AGAP1: variants seen among roughly 807,000 people sequenced by gnomAD.
The protein encoded by AGAP1 is ArfGAP with GTPase domain, ankyrin repeat and PH domain 1.
Under a neutral mutation model 105.3 loss-of-function variants are expected in AGAP1, and 29 were observed. The ratio of observed to expected loss-of-function variants is 0.28; its 90% confidence interval spans 0.21 to 0.38. AGAP1 has a LOEUF of 0.38. AGAP1 is among the 10% of genes least tolerant of loss of function. The pLI is 1.00. For missense variants in AGAP1, 998 were observed against 1,165.1 expected, an observed-to-expected ratio of 0.86 and a Z score of 2.09; for synonymous variants, 509 against 485.9, an observed-to-expected ratio of 1.05 and a Z score of -0.63.
chr2:235,792,034 G>A lies in AGAP1; in HGVS notation c.674-5725G>A, dbSNP rs1283438991. Among the ~76,000 whole-genome samples the A allele has an allele frequency of 6.6e-6, 1 of 152,138 alleles. No homozygotes were observed. The highest frequency in any genetic ancestry group is 2.4e-5 in the African/African-American group (1 of 41,430). On this transcript the variant is annotated intron_variant, in intron 6 of 17. Transcript: ENST00000304032. The surrounding 1 kb of genome is among the most constrained non-coding windows in gnomAD (Gnocchi z 5.3). ...GTCTATGGTGAGCATTTAAAATACG[G>A]TTTTATTGGAGGTGTGGTTCGTACT...
At chr2:235,778,271 C>A (rs1248649114) in intron 6 of AGAP1, among the ~76,000 whole-genome samples, 1 of 152,200 alleles carries the variant, frequency 6.6e-6, no homozygotes, top group Admixed American at 6.5e-5. Context: ...CCACCATCGC[C>A]CCGCCTGGGT....
rs1009089639 is a variant in AGAP1, at chr2:235,753,401, T to A, written c.673+2913T>A. ...GTTTCGTATTATAGAAATAATACAC[T>A]CTCATTATGTATTCGGATTTTGGCT... On this transcript the variant is annotated intron_variant, in intron 6 of 17. Coordinates refer to ENST00000304032, the MANE Select transcript of AGAP1 (RefSeq NM_001037131.3). This position sits in a 1 kb window ranked among gnomAD's most constrained non-coding sequence, Gnocchi z 4.5. 6.6e-5 allele frequency among the ~76,000 whole-genome samples: 10 copies of A among 152,164 alleles called. No individual in the cohort carries two copies.
At position 235,906,171 on chromosome 2, in the gene AGAP1, A is replaced by G. The variant is rs2051295359; in HGVS notation, c.1156-2567A>G. 6.6e-6 allele frequency among the ~76,000 whole-genome samples: 1 copy of G among 152,158 alleles called. No individual in the cohort carries two copies. ...CTGTAAAATGAAATGGCCAGTCACC[A>G]GCCTCGGGTGGCCGGGCACCTCTGC... On this transcript the variant is annotated intron_variant, in intron 10 of 17. Transcript: ENST00000304032. The surrounding 1 kb of genome is among the most constrained non-coding windows in gnomAD (Gnocchi z 5.3).
chr2:236,050,466 G>A lies in AGAP1; in HGVS notation c.2114+1185G>A, dbSNP rs987201967. On this transcript the variant is annotated intron_variant, in intron 16 of 17. Coordinates refer to ENST00000304032, the MANE Select transcript of AGAP1 (RefSeq NM_001037131.3). The surrounding 1 kb of genome is among the most constrained non-coding windows in gnomAD (Gnocchi z 4.0). ...GAGTTATGCTCTATAGTGTAGACAG[G>A]GGTAAGTTTCTTACAAACCGAAGAA... 2.0e-5 allele frequency among the ~76,000 whole-genome samples: 3 copies of A among 152,094 alleles called. No homozygotes were observed. Among genetic ancestry groups the A allele is most frequent in the Admixed American group, 6.5e-5 (1 of 15,274 alleles).
At chr2:235,784,370 TTCC>T (rs1313475959) in intron 6 of AGAP1, among the ~76,000 whole-genome samples, 1 of 152,176 alleles carries the variant, frequency 6.6e-6, no homozygotes, top group Non-Finnish European at 1.5e-5. Context: ...ATACTTTGAC[TTCC>T]TCACTATTCC....
At chr2:235,538,540 T>C (rs1943324088) in intron 1 of AGAP1, among the ~76,000 whole-genome samples, 1 of 148,814 alleles carries the variant, frequency 6.7e-6, no homozygotes, top group Non-Finnish European at 1.5e-5. Context: ...TGCACAGTTC[T>C]CTGCATAGGT....
rs1027030119 is a variant in AGAP1, at chr2:235,767,060, G to A, written c.673+16572G>A. ...TCCCAAGTATCTAGGATTACAGCCC[G>A]CCACCACGCCTGGCTAATTTTTGTA... On this transcript the variant is annotated intron_variant, in intron 6 of 17. Coordinates refer to ENST00000304032, the MANE Select transcript of AGAP1 (RefSeq NM_001037131.3). Among the ~76,000 whole-genome samples, 4 of 151,880 alleles carry A rather than the reference G, an allele frequency of 2.6e-5. No homozygotes were observed. In the East Asian group the frequency reaches 5.8e-4, roughly 22 times the overall value.
chr2:235,581,244 T>C (rs1164108577), intron 1 of AGAP1, among the ~76,000 whole-genome samples: 2 of 149,144 alleles, frequency 1.3e-5, no homozygotes, highest in African/African-American at 5.0e-5. Flanking sequence ...GAGGCAGAGG[T>C]TACAGTGAGC....
intron 16 of AGAP1, among the ~76,000 whole-genome samples, chr2:236,057,002 G>A (rs1435558622): frequency 6.6e-6 from 1 of 152,204 alleles, no homozygotes; most frequent in Admixed American, 6.5e-5. Flanking sequence ...TACTAAATGA[G>A]TAGTGCAAAC....
intron 1 of AGAP1, among the ~76,000 whole-genome samples, chr2:235,527,293 G>A (rs758937281): frequency 7.2e-5 from 11 of 152,192 alleles, no homozygotes; most frequent in Non-Finnish European, 1.5e-4. Context: ...TTATTAATAA[G>A]TGGGCAAAAC....
At chr2:235,745,121 G>A (rs1019814149) in intron 5 of AGAP1, among the ~76,000 whole-genome samples, 3 of 151,816 alleles carry the variant, frequency 2.0e-5, no homozygotes, top group Non-Finnish European at 2.9e-5. Context: ...AAATATATAT[G>A]TGTGTGTGTA....
rs1281697317 is a variant in AGAP1 at position 235,729,422 on chromosome 2, G to A, written c.311-11541G>A. 6.6e-6 allele frequency among the ~76,000 whole-genome samples: 1 copy of A among 152,140 alleles called. No homozygotes were observed. The highest frequency in any genetic ancestry group is 1.5e-5 in the Non-Finnish European group (1 of 68,044). ...GATGTTCCAGAGGCAGGAGGTTCCTGGAAGAACCACTGGGCCTTGCAGGGT... is the reference window on the plus strand; with the variant it reads ...GATGTTCCAGAGGCAGGAGGTTCCTAGAAGAACCACTGGGCCTTGCAGGGT... On this transcript the variant is annotated intron_variant, in intron 3 of 17. Coordinates refer to ENST00000304032, the MANE Select transcript of AGAP1 (RefSeq NM_001037131.3). The surrounding 1 kb of genome is among the most constrained non-coding windows in gnomAD (Gnocchi z 5.0).
Position 235,968,736 on chromosome 2 carries a change from G to T in AGAP1, c.1645+113G>T, listed in dbSNP as rs140782926. On this transcript the variant is annotated intron_variant, in intron 13 of 17. Transcript: ENST00000304032. The stretch of plus-strand genomic sequence containing the variant: ...GCACAACAAATGCACAGTAATGCTG[G>T]TCACCGTATGTGCTTTCTGTTTGCA... The T allele has an allele frequency of 3.6e-6, 4 of 1,104,696 alleles. No individual in the cohort carries two copies. In the East Asian group the frequency reaches 8.3e-5, roughly 23 times the overall value. The allele number at this position is 1,104,696 out of a possible 1,614,324, so 68.4% of individuals were successfully genotyped here.
rs114586753 is a variant in AGAP1, at chr2:236,012,331, A to G, written c.1646-24230A>G. Among the ~76,000 whole-genome samples the G allele has an allele frequency of 5.4e-3, 825 of 151,652 alleles. 4 individuals carry two copies. Among genetic ancestry groups the G allele is most frequent in the African/African-American group, 0.019 (776 of 41,016 alleles). On this transcript the variant is annotated intron_variant, in intron 13 of 17. Transcript: ENST00000304032. This position sits in a 1 kb window ranked among gnomAD's most constrained non-coding sequence, Gnocchi z 4.9. ...CCATTCTGCCTATTTATATGTAAAT[A>G]TTGCTGCAAGAGGTAAGTTGTACTC...
chr2:235,494,871 G>A (rs1388917271), intron 1 of AGAP1, 22 bp downstream of exon 1: 1 of 1,543,302 alleles, frequency 6.5e-7, no homozygotes, highest in South Asian at 1.2e-5. Context: ...GCCGCCTTGG[G>A]GCCTCGGGAA....
intron 1 of AGAP1, among the ~76,000 whole-genome samples, chr2:235,613,536 T>C (rs1946208501): frequency 6.6e-6 from 1 of 152,170 alleles, no homozygotes; most frequent in Admixed American, 6.6e-5. Context: ...TTCATTCTCC[T>C]TAAGGAGATA....
chr2:236,031,131 A>G (rs192208671), intron 13 of AGAP1, among the ~76,000 whole-genome samples: 58 of 152,320 alleles, frequency 3.8e-4, no homozygotes, highest in Admixed American at 2.1e-3. Flanking sequence ...AACTGATTAG[A>G]TATATGAATT....
intron 13 of AGAP1, among the ~76,000 whole-genome samples, chr2:236,029,741 C>G (rs565481531): frequency 1.6e-4 from 24 of 151,170 alleles, no homozygotes; most frequent in African/African-American, 5.8e-4. Flanking sequence ...CTTCTCTGCT[C>G]TTTTCTGTTT....
chr2:236,077,184 A>G (rs2058664066), intron 16 of AGAP1, among the ~76,000 whole-genome samples: 1 of 150,184 alleles, frequency 6.7e-6, no homozygotes, highest in Non-Finnish European at 1.5e-5. Context: ...CCCGAGAGAT[A>G]ATCAGTTAAT....
Sources: gnomAD v4.1 joint callset for allele counts (sites outside exome capture counted in the v4.1 genomes callset) on GRCh38, gnomAD v4.1.1 for gene constraint, Gnocchi (gnomAD v3.1) non-coding constraint, MANE v1.5 for transcripts, NCBI Gene and HGNC (gene_info 2026-07-23, HGNC 2026-07-21) for gene names.